The following AKR1C8 variants were observed in gnomAD, a reference collection of about 807,000 sequenced individuals.
AKR1C8 encodes the protein aldo-keto reductase family 1 member C8, also known as aldo-keto reductase family 1 member C-like protein 1.
At chr10:5,156,554 A>ATCTATCTATCTATCTATCTT in the AKR1C8 span, among the ~76,000 whole-genome samples, 10,010 of 151,816 alleles carry the variant, frequency 0.066, 402 homozygotes, top group Admixed American at 0.1. Context: ...CTATCTATCT[A>ATCTATCTATCTATCTATCTT]ATGTATTTAT....
At chr10:5,141,645 A>C in the AKR1C8 span, among the ~76,000 whole-genome samples, 2 of 152,170 alleles carry the variant, frequency 1.3e-5, 1 homozygote, top group Non-Finnish European at 2.9e-5. Context: ...AAACAGAAGT[A>C]ATCTTTTGGT....
the AKR1C8 span, among the ~76,000 whole-genome samples, chr10:5,138,071 T>G: frequency 6.6e-6 from 1 of 151,336 alleles, no homozygotes; most frequent in African/African-American, 2.4e-5. Context: ...GGGTCTATGT[T>G]CAGCGGTGCA....
the AKR1C8 span, among the ~76,000 whole-genome samples, chr10:5,143,302 C>T: frequency 1.3e-3 from 204 of 152,282 alleles, 1 homozygote; most frequent in African/African-American, 4.7e-3. Flanking sequence ...GCCTTCTGAT[C>T]TTTGAACTTG....
the AKR1C8 span, among the ~76,000 whole-genome samples, chr10:5,129,210 T>C: frequency 6.6e-6 from 1 of 152,016 alleles, no homozygotes; most frequent in African/African-American, 2.4e-5. Flanking sequence ...AAAATGGCAA[T>C]TAAGTAATTT....
At chr10:5,120,493 CTTTT>C in the AKR1C8 span, among the ~76,000 whole-genome samples, 2 of 151,714 alleles carry the variant, frequency 1.3e-5, no homozygotes, top group African/African-American at 2.4e-5. Context: ...TTCCCGTGTT[CTTTT>C]TTTTCATTTT....
At chr10:5,124,337 A>G in the AKR1C8 span, among the ~76,000 whole-genome samples, 2 of 152,200 alleles carry the variant, frequency 1.3e-5, no homozygotes, top group African/African-American at 4.8e-5. Context: ...TAAAAGAGAG[A>G]GCAAAAATAT....
chr10:5,121,342 T>A, the AKR1C8 span, among the ~76,000 whole-genome samples: 1 of 152,202 alleles, frequency 6.6e-6, no homozygotes, highest in South Asian at 2.1e-4. Context: ...GCCCTGAGGA[T>A]CCAGAGAAAC....
the AKR1C8 span, chr10:5,123,837 T>A: frequency 1.9e-6 from 3 of 1,602,206 alleles, no homozygotes; most frequent in Non-Finnish European, 2.6e-6. Flanking sequence ...ATGACAAAGA[T>A]AGAAAAACAT....
At chr10:5,131,700 G>A in the AKR1C8 span, among the ~76,000 whole-genome samples, 5 of 151,912 alleles carry the variant, frequency 3.3e-5, no homozygotes, top group Non-Finnish European at 7.4e-5. Context: ...AGTAGAAGTT[G>A]GCATGAATGT....
chr10:5,142,769 A>C, the AKR1C8 span, among the ~76,000 whole-genome samples: 3 of 152,132 alleles, frequency 2.0e-5, no homozygotes, highest in African/African-American at 7.2e-5. Flanking sequence ...ACATTACCAT[A>C]ACAGATATAA....
At chr10:5,120,795 T>C in the AKR1C8 span, among the ~76,000 whole-genome samples, 59,434 of 151,834 alleles carry the variant, frequency 0.39, 12,397 homozygotes, top group Non-Finnish European at 0.43. Flanking sequence ...ATTCTCATAA[T>C]TAAAATTTTT....
the AKR1C8 span, among the ~76,000 whole-genome samples, chr10:5,118,504 G>C: frequency 6.6e-6 from 1 of 152,174 alleles, no homozygotes; most frequent in Non-Finnish European, 1.5e-5. Flanking sequence ...TGGAGGGAAA[G>C]TTAGAGTAGT....
chr10:5,150,624 T>C, the AKR1C8 span, among the ~76,000 whole-genome samples: 5 of 152,142 alleles, frequency 3.3e-5, no homozygotes, highest in Non-Finnish European at 7.4e-5. Flanking sequence ...ATGTGTAACT[T>C]GAACTTTTGA....
the AKR1C8 span, among the ~76,000 whole-genome samples, chr10:5,134,946 G>A: frequency 9.1e-4 from 139 of 152,202 alleles, 1 homozygote; most frequent in African/African-American, 3.2e-3. Flanking sequence ...AGCAGTACAC[G>A]ACCATATGAC....
the AKR1C8 span, chr10:5,123,649 C>A: frequency 1.4e-6 from 2 of 1,446,596 alleles, no homozygotes; most frequent in South Asian, 1.2e-5. Context: ...AAGAGAGTAC[C>A]ATATAATTAA....
At chr10:5,118,439 G>C in the AKR1C8 span, among the ~76,000 whole-genome samples, 1 of 152,188 alleles carries the variant, frequency 6.6e-6, no homozygotes, top group Non-Finnish European at 1.5e-5. Flanking sequence ...ATGACCTAGA[G>C]TCAAACAAGA....
chr10:5,134,938 C>A, the AKR1C8 span, among the ~76,000 whole-genome samples: 1 of 152,144 alleles, frequency 6.6e-6, no homozygotes, highest in South Asian at 2.1e-4. Context: ...TAAAAGTAAG[C>A]AGTACACGAC....
the AKR1C8 span, among the ~76,000 whole-genome samples, chr10:5,169,532 A>T: frequency 9.3e-6 from 1 of 107,918 alleles, no homozygotes; most frequent in Non-Finnish European, 2.2e-5. Flanking sequence ...TGGTTGAGAC[A>T]GAAGTAACAT....
the AKR1C8 span, chr10:5,157,519 T>C: frequency 8.6e-6 from 3 of 350,308 alleles, no homozygotes; most frequent in African/African-American, 2.1e-5. Context: ...CCTCCTCCCT[T>C]AGCACAGAGT....
Sources: allele counts gnomAD v4.1 joint callset (sites outside exome capture counted in the v4.1 genomes callset), GRCh38; gene constraint gnomAD v4.1.1; transcripts MANE v1.5; gene names NCBI Gene and HGNC (gene_info 2026-07-23, HGNC 2026-07-21).